CUX2: variants seen among roughly 807,000 people sequenced by gnomAD.
CUX2 encodes homeobox protein cut-like 2.
Under a neutral mutation model 144.8 loss-of-function variants are expected in CUX2, and 40 were observed. The ratio of observed to expected loss-of-function variants is 0.28; its 90% CI spans 0.21 to 0.36. The LOEUF (loss-of-function observed/expected upper bound fraction) is 0.36, where lower values mean the gene tolerates loss of function less well. CUX2 is among the 10% of genes least tolerant of loss of function. CUX2 has a pLI of 1.00. For synonymous variants in CUX2, 827 were observed against 875.6 expected, an observed-to-expected ratio of 0.94 and a Z score of 0.98; for missense variants, 1,615 against 1,994.0, an observed-to-expected ratio of 0.81 and a Z score of 3.62.
At chr12:111,129,697 C>T (rs1592923174) in intron 1 of CUX2, among the ~76,000 whole-genome samples, 3 of 152,336 alleles carry the variant, frequency 2.0e-5, no homozygotes, top group Admixed American at 2.0e-4. Flanking sequence ...TCTCTGCCAG[C>T]CCTCTAGGAA....
Position 111,170,022 on chromosome 12 carries a change from A to G in CUX2, c.64-44178A>G, listed in dbSNP as rs577910161. Among the ~76,000 whole-genome samples the G allele has an allele frequency of 2.0e-5, 3 of 152,332 alleles. No homozygotes were observed. The South Asian group carries it at 6.2e-4, about 32-fold the overall frequency. On this transcript the variant is annotated intron_variant, in intron 1 of 21. Coordinates refer to ENST00000261726, the MANE Select transcript of CUX2 (RefSeq NM_015267.4). ...GGCCACTGGATGCCCCATGCAAGGT[A>G]CTAGGGGGAAGAATTTAAGGAAACT...
chr12:111,105,671 C>T (rs180707130), intron 1 of CUX2, among the ~76,000 whole-genome samples: 2 of 152,286 alleles, frequency 1.3e-5, no homozygotes, highest in African/African-American at 4.8e-5. Context: ...GGGTTTGAAG[C>T]CTGCATCTGT....
chr12:111,306,191 T>G (rs760204650), intron 10 of CUX2, among the ~76,000 whole-genome samples: 2 of 152,154 alleles, frequency 1.3e-5, no homozygotes, highest in Non-Finnish European at 2.9e-5. Context: ...GTTTGGGGGG[T>G]GTGCTTTTCT....
chr12:111,296,477 A>G lies in CUX2; in HGVS notation c.642A>G (p.Leu214=), dbSNP rs372596321. 20 of 1,607,588 alleles carry G rather than the reference A, an allele frequency of 1.2e-5. No homozygotes were observed. In the East Asian group the frequency reaches 1.3e-4, roughly 11 times the overall value. Residue 214 remains leucine (L), a synonymous_variant, in exon 8 of 22, where the codon CTA becomes CTG. Coordinates refer to ENST00000261726, the MANE Select transcript of CUX2 (RefSeq NM_015267.4). ...CCTGCCTCTGCTTTCTCCCAGCGCT[A>G]AAGGCTACGCAGGCAGAGCTGCTAG... ...EEKIKVLHSA[L]KATQAELLEL...
intron 3 of CUX2, among the ~76,000 whole-genome samples, chr12:111,254,136 G>A (rs937944042): frequency 2.0e-5 from 3 of 152,014 alleles, no homozygotes; most frequent in Non-Finnish European, 2.9e-5. Context: ...CAGCCCTGAT[G>A]TCAGCAGATG....
chr12:111,151,292 G>A (rs1877037502), intron 1 of CUX2, among the ~76,000 whole-genome samples: 1 of 152,198 alleles, frequency 6.6e-6, no homozygotes, highest in Non-Finnish European at 1.5e-5. Flanking sequence ...TTATGAATCA[G>A]TAGATGGTTT....
Position 111,186,262 on chromosome 12 carries a change from C to T in CUX2, c.64-27938C>T, listed in dbSNP as rs1195148261. ...ACTGTGGATGCTTAGTCAGGTGACA[C>T]TTATGGGGACCAGCTGTGTACTGAG... On this transcript the variant is annotated intron_variant, in intron 1 of 21. Coordinates refer to ENST00000261726, the MANE Select transcript of CUX2 (RefSeq NM_015267.4). This position sits in a 1 kb window ranked among gnomAD's most constrained non-coding sequence, Gnocchi z 4.4. Among the ~76,000 whole-genome samples, 4 of 152,134 alleles carry T rather than the reference C, an allele frequency of 2.6e-5. No homozygotes were observed. The highest frequency in any genetic ancestry group is 5.9e-5 in the Non-Finnish European group (4 of 68,028).
chr12:111,101,333 C>T (rs1033713867), intron 1 of CUX2, among the ~76,000 whole-genome samples: 3 of 152,136 alleles, frequency 2.0e-5, no homozygotes, highest in Non-Finnish European at 2.9e-5. Context: ...GGCCACACCA[C>T]AGCAGCCCTG....
intron 1 of CUX2, among the ~76,000 whole-genome samples, chr12:111,138,787 C>T (rs1421156235): frequency 1.3e-5 from 2 of 152,176 alleles, no homozygotes; most frequent in East Asian, 3.9e-4. Context: ...GCCCACAGCC[C>T]CTGAGTGACT....
At position 111,308,351 on chromosome 12, in the gene CUX2, C is replaced by T. The variant is rs555306209; in HGVS notation, c.1158+18C>T. The T allele has an allele frequency of 6.2e-7, 1 of 1,614,158 alleles. No individual in the cohort carries two copies. The highest frequency in any genetic ancestry group is 1.3e-5 in the African/African-American group (1 of 75,052). ...TCCCCCAGGTAAGTGTCCCTGCCACCATCCCTGCAGGGCAGGCTGCCCCAG... is the reference window on the plus strand; with the variant it reads ...TCCCCCAGGTAAGTGTCCCTGCCACTATCCCTGCAGGGCAGGCTGCCCCAG... On this transcript the variant is annotated intron_variant, in intron 13 of 21. Transcript: ENST00000261726.
At chr12:111,311,701 C>T (rs1297487353) in intron 15 of CUX2, among the ~76,000 whole-genome samples, 2 of 151,022 alleles carry the variant, frequency 1.3e-5, no homozygotes, top group South Asian at 2.1e-4. Flanking sequence ...TGGGTTCAAG[C>T]GATTCTCCTG....
chr12:111,142,230 G>A (rs1287988706), intron 1 of CUX2, among the ~76,000 whole-genome samples: 2 of 152,120 alleles, frequency 1.3e-5, no homozygotes, highest in Non-Finnish European at 2.9e-5. Context: ...GCAAAGTATG[G>A]CCCCTCCAAT....
intron 3 of CUX2, among the ~76,000 whole-genome samples, chr12:111,249,128 A>G (rs1033111787): frequency 6.6e-6 from 1 of 152,122 alleles, no homozygotes; most frequent in Admixed American, 6.6e-5. Flanking sequence ...ACATGGCAGT[A>G]TCCCATGGGG....
chr12:111,169,742 T>G (rs1878396155), intron 1 of CUX2, among the ~76,000 whole-genome samples: 1 of 152,226 alleles, frequency 6.6e-6, no homozygotes, highest in Admixed American at 6.5e-5. Flanking sequence ...ATAGCGCTTT[T>G]GGATTTAGAA....
chr12:111,267,574 A>T (rs1884449008), intron 4 of CUX2, among the ~76,000 whole-genome samples: 1 of 152,140 alleles, frequency 6.6e-6, no homozygotes, highest in Non-Finnish European at 1.5e-5. Flanking sequence ...TTAGTTTCCT[A>T]CGGCTGTTGT....
At chr12:111,225,030 C>T (rs1882059276) in intron 3 of CUX2, among the ~76,000 whole-genome samples, 1 of 152,166 alleles carries the variant, frequency 6.6e-6, no homozygotes, top group African/African-American at 2.4e-5. Flanking sequence ...CTCAGCCTCC[C>T]GAGTAGCTGG....
At chr12:111,064,574 T>G (rs533992510) in intron 1 of CUX2, among the ~76,000 whole-genome samples, 1 of 152,346 alleles carries the variant, frequency 6.6e-6, no homozygotes, top group East Asian at 1.9e-4. Flanking sequence ...AGAAATATGA[T>G]GGAGACTTAG....
chr12:111,231,113 G>A (rs538680012), intron 3 of CUX2, among the ~76,000 whole-genome samples: 63 of 151,932 alleles, frequency 4.1e-4, no homozygotes, highest in African/African-American at 9.7e-4. Flanking sequence ...AAGTACACTC[G>A]CCCTGTTGTG....
At chr12:111,087,366 C>CAAAAAAA (rs1159500448) in intron 1 of CUX2, among the ~76,000 whole-genome samples, 176 of 45,030 alleles carry the variant, frequency 3.9e-3, no homozygotes, top group East Asian at 5.3e-3. Flanking sequence ...GACTCCATCT[C>CAAAAAAA]AAAAAAAAAA....
Sources: allele counts gnomAD v4.1 joint callset (sites outside exome capture counted in the v4.1 genomes callset), GRCh38; gene constraint gnomAD v4.1.1; non-coding constraint Gnocchi (gnomAD v3.1); transcripts MANE v1.5; gene names NCBI Gene and HGNC (gene_info 2026-07-23, HGNC 2026-07-21).